The following C8orf34 variants were observed in gnomAD, a reference collection of about 807,000 sequenced individuals.
C8orf34 encodes uncharacterized protein C8orf34.
Under a neutral mutation model 68.3 loss-of-function variants are expected in C8orf34, and 65 were observed. The ratio of observed to expected loss-of-function variants is 0.95; its 90% confidence interval spans 0.78 to 1.17. The LOEUF (loss-of-function observed/expected upper bound fraction) is 1.17. Ranked by LOEUF, C8orf34 falls within the 50% of genes most tolerant of loss-of-function variation. The pLI, the probability that C8orf34 is intolerant of heterozygous loss-of-function variation, is 0.00. For synonymous variants in C8orf34, 244 were observed against 241.2 expected (o/e 1.01, Z -0.11); for missense variants, 664 against 655.4 (o/e 1.01, Z -0.14).
chr8:68,741,782 G>A (rs1480159519), intron 10 of C8orf34, among the ~76,000 whole-genome samples: 2 of 152,130 alleles, frequency 1.3e-5, no homozygotes, highest in Non-Finnish European at 2.9e-5. Flanking sequence ...ATCCATCCAT[G>A]TTGTTGTAAA....
chr8:68,596,229 G>A (rs371045178), intron 7 of C8orf34, among the ~76,000 whole-genome samples: 3 of 152,028 alleles, frequency 2.0e-5, no homozygotes, highest in African/African-American at 7.2e-5. Flanking sequence ...AGATGGAGGT[G>A]AGACAGAGAA....
intron 7 of C8orf34, among the ~76,000 whole-genome samples, chr8:68,543,158 A>G (rs1815755733): frequency 6.6e-6 from 1 of 152,078 alleles, no homozygotes; most frequent in Admixed American, 6.6e-5. Context: ...ATATGCTTTC[A>G]TGGTTTAATA....
intron 1 of C8orf34, among the ~76,000 whole-genome samples, chr8:68,414,855 TC>T (rs140708669): frequency 6.6e-6 from 1 of 152,280 alleles, no homozygotes; most frequent in African/African-American, 2.4e-5. Context: ...TGTCCACCAT[TC>T]CCTCTTCTTC....
chr8:68,434,015 G>A (rs1810554462), intron 1 of C8orf34, among the ~76,000 whole-genome samples: 1 of 152,116 alleles, frequency 6.6e-6, no homozygotes, highest in Non-Finnish European at 1.5e-5. Flanking sequence ...AATTCCAGTA[G>A]CCCTTACATG....
chr8:68,576,972 A>G (rs922171922), intron 7 of C8orf34, among the ~76,000 whole-genome samples: 2 of 152,004 alleles, frequency 1.3e-5, no homozygotes, highest in African/African-American at 4.8e-5. Flanking sequence ...TACTTAGCTG[A>G]TTATGTATAA....
chr8:68,724,778 T>C (rs890314716), intron 10 of C8orf34, among the ~76,000 whole-genome samples: 2 of 152,238 alleles, frequency 1.3e-5, no homozygotes, highest in African/African-American at 4.8e-5. Context: ...CTTAGCTTCA[T>C]AAATATAATA....
chr8:68,772,614 T>TA (rs1823373189), intron 10 of C8orf34, among the ~76,000 whole-genome samples: 1 of 152,180 alleles, frequency 6.6e-6, no homozygotes. Context: ...GCGGTTATAT[T>TA]AAAAACTCAC....
chr8:68,336,886 CT>C (rs1375146578), intron 1 of C8orf34, among the ~76,000 whole-genome samples: 6 of 152,104 alleles, frequency 3.9e-5, no homozygotes, highest in African/African-American at 1.4e-4. Context: ...CCTAAGACAA[CT>C]TGAGGGTCAA....
chr8:68,587,297 T>G (rs1467296425), intron 7 of C8orf34, among the ~76,000 whole-genome samples: 3 of 152,176 alleles, frequency 2.0e-5, no homozygotes, highest in Non-Finnish European at 4.4e-5. Flanking sequence ...CTTTAAGACA[T>G]ATTACTGAAC....
At chr8:68,380,642 T>C (rs140222717) in intron 1 of C8orf34, among the ~76,000 whole-genome samples, 1 of 152,334 alleles carries the variant, frequency 6.6e-6, no homozygotes, top group African/African-American at 2.4e-5. Flanking sequence ...GCATCAATAT[T>C]GCATTGACAT....
intron 12 of C8orf34, among the ~76,000 whole-genome samples, chr8:68,811,413 C>T (rs1335738391): frequency 6.6e-6 from 1 of 152,244 alleles, no homozygotes; most frequent in Admixed American, 6.5e-5. Context: ...GACTGAACAG[C>T]TGCACCTGTG....
At chr8:68,749,948 C>G (rs1563647526) in intron 10 of C8orf34, among the ~76,000 whole-genome samples, 1 of 152,068 alleles carries the variant, frequency 6.6e-6, no homozygotes, top group Non-Finnish European at 1.5e-5. Context: ...TTATGCAAAT[C>G]TTTCTGTGGA....
chr8:68,460,936 G>A (rs995882028), intron 3 of C8orf34, among the ~76,000 whole-genome samples: 1 of 152,218 alleles, frequency 6.6e-6, no homozygotes, highest in Non-Finnish European at 1.5e-5. Context: ...GAACAAAGCT[G>A]GACAGAGAAT....
At chr8:68,705,540 T>A (rs1446023407) in intron 8 of C8orf34, among the ~76,000 whole-genome samples, 2 of 151,962 alleles carry the variant, frequency 1.3e-5, no homozygotes, top group African/African-American at 4.8e-5. Context: ...GGTCATACAG[T>A]CAGCATAAGC....
intron 8 of C8orf34, among the ~76,000 whole-genome samples, chr8:68,654,659 T>C (rs1210908015): frequency 6.6e-6 from 1 of 152,164 alleles, no homozygotes; most frequent in Non-Finnish European, 1.5e-5. Flanking sequence ...TTTTCAATTT[T>C]ATTTGAGCCC....
At chr8:68,673,524 T>A (rs548238621) in intron 8 of C8orf34, among the ~76,000 whole-genome samples, 1 of 152,188 alleles carries the variant, frequency 6.6e-6, no homozygotes, top group Admixed American at 6.5e-5. Flanking sequence ...CCTGGAGCAA[T>A]GGTGGCCACA....
intron 1 of C8orf34, among the ~76,000 whole-genome samples, chr8:68,333,997 A>T (rs1040702855): frequency 6.6e-6 from 1 of 152,206 alleles, no homozygotes; most frequent in Non-Finnish European, 1.5e-5. Flanking sequence ...TAATCTATGA[A>T]TGTTTTTTAA....
At chr8:68,537,378 G>A (rs1019517072) in intron 7 of C8orf34, among the ~76,000 whole-genome samples, 3 of 142,324 alleles carry the variant, frequency 2.1e-5, no homozygotes, top group African/African-American at 8.7e-5. Flanking sequence ...AAGTAATCAG[G>A]ATAACAGAAA....
Position 68,460,247 on chromosome 8 carries a change from C to T in C8orf34, c.608-8445C>T, listed in dbSNP as rs572842018. Among the ~76,000 whole-genome samples the T allele has an allele frequency of 1.1e-4, 16 of 152,300 alleles. No individual in the cohort carries two copies. In the South Asian group the frequency reaches 3.1e-3, roughly 30 times the overall value. Reference sequence around the variant, plus strand: ...GCAGCGAGGCTGGGGGAGGGGCGCCCGCCATTGCCCAGGCTTGCTTAGGTA... The same window carrying T: ...GCAGCGAGGCTGGGGGAGGGGCGCCTGCCATTGCCCAGGCTTGCTTAGGTA... On this transcript the variant is annotated intron_variant, in intron 3 of 13. Transcript: ENST00000518698.
Sources: allele counts gnomAD v4.1 joint callset (sites outside exome capture counted in the v4.1 genomes callset), GRCh38; gene constraint gnomAD v4.1.1; transcripts MANE v1.5; gene names NCBI Gene and HGNC (gene_info 2026-07-23, HGNC 2026-07-21).